The following SRGAP1 variants were observed in gnomAD, a reference collection of about 807,000 sequenced individuals.
SRGAP1 encodes the protein SLIT-ROBO Rho GTPase-activating protein 1.
Under a neutral mutation model 121.9 loss-of-function variants are expected in SRGAP1, and 43 were observed. That is an observed-to-expected ratio of 0.35 (90% CI 0.28 to 0.46). The LOEUF (loss-of-function observed/expected upper bound fraction) is 0.46, where lower values mean the gene tolerates loss of function less well. Ranked by LOEUF, SRGAP1 falls within the 20% of genes least tolerant of loss-of-function variation. The pLI is 1.00. For missense variants in SRGAP1, 1,102 were observed against 1,350.9 expected (o/e 0.82, Z 2.89); for synonymous variants, 447 against 485.4 (o/e 0.92, Z 1.04).
chr12:64,133,671 T>C (rs1306246594), intron 21 of SRGAP1, among the ~76,000 whole-genome samples: 1 of 152,230 alleles, frequency 6.6e-6, no homozygotes, highest in Non-Finnish European at 1.5e-5. Context: ...CAAAGGGACC[T>C]GGCCTCCTCT....
At chr12:63,932,903 A>G (rs2031529202) in intron 1 of SRGAP1, among the ~76,000 whole-genome samples, 1 of 152,174 alleles carries the variant, frequency 6.6e-6, no homozygotes, top group Non-Finnish European at 1.5e-5. Context: ...AAAGAACCAT[A>G]CGTAGGCCAG....
intron 1 of SRGAP1, among the ~76,000 whole-genome samples, chr12:63,881,764 A>G (rs1900202789): frequency 6.6e-6 from 1 of 152,214 alleles, no homozygotes; most frequent in African/African-American, 2.4e-5. Flanking sequence ...TAAACCTCTT[A>G]TATGGGTAGA....
At position 64,142,884 on chromosome 12, in the gene SRGAP1, T is replaced by A; in HGVS notation, c.*212T>A. On this transcript the variant is annotated 3_prime_UTR_variant, in exon 22 of 22. Coordinates refer to ENST00000355086, the MANE Select transcript of SRGAP1 (RefSeq NM_020762.4). ...TTTTTAAATAACTGGACATATGTCATTTTAAGGACAATAGAAACACTTAGA... is the reference window on the plus strand; with the variant it reads ...TTTTTAAATAACTGGACATATGTCAATTTAAGGACAATAGAAACACTTAGA... 1 of 632,958 alleles carries A rather than the reference T, an allele frequency of 1.6e-6. No individual in the cohort carries two copies. The highest frequency in any genetic ancestry group is 2.6e-6 in the Non-Finnish European group (1 of 379,088). The allele number at this position is 632,958 out of a possible 1,614,324, so 39.2% of individuals were successfully genotyped here.
chr12:64,095,211 G>T lies in SRGAP1; in HGVS notation c.1678+7G>T. On this transcript the variant is annotated splice_region_variant and intron_variant, in intron 14 of 21. Coordinates refer to ENST00000355086, the MANE Select transcript of SRGAP1 (RefSeq NM_020762.4). ...AAAAATTCATTTGAGAGAGGTAATTGCACGTCTATCCCTATAAGCAAACCA... is the reference window on the plus strand; with the variant it reads ...AAAAATTCATTTGAGAGAGGTAATTTCACGTCTATCCCTATAAGCAAACCA... 1 of 1,612,664 alleles carries T rather than the reference G, an allele frequency of 6.2e-7. No individual in the cohort carries two copies. The highest frequency in any genetic ancestry group is 8.5e-7 in the Non-Finnish European group (1 of 1,179,140).
In SRGAP1 at chr12:64,010,724, G is replaced by A. The variant is rs1379915650; in HGVS notation, c.427-6226G>A. 3.3e-5 allele frequency among the ~76,000 whole-genome samples: 5 copies of A among 152,042 alleles called. No individual in the cohort carries two copies. In the South Asian group the frequency reaches 1.0e-3, roughly 31 times the overall value. On this transcript the variant is annotated intron_variant, in intron 3 of 21. Coordinates refer to ENST00000355086, the MANE Select transcript of SRGAP1 (RefSeq NM_020762.4). ...AGCCTGCTAGCAACATTTCAAGTGTGTAATAAGGACCATCTCAATAAAACC... is the reference window on the plus strand; with the variant it reads ...AGCCTGCTAGCAACATTTCAAGTGTATAATAAGGACCATCTCAATAAAACC...
chr12:64,056,616 T>C (rs1241294454), intron 6 of SRGAP1, among the ~76,000 whole-genome samples: 1 of 151,706 alleles, frequency 6.6e-6, no homozygotes, highest in Non-Finnish European at 1.5e-5. Flanking sequence ...TCCTATTTCC[T>C]ATTCTCCAAA....
intron 8 of SRGAP1, among the ~76,000 whole-genome samples, chr12:64,075,685 A>G (rs1476609148): frequency 6.6e-6 from 1 of 152,180 alleles, no homozygotes; most frequent in African/African-American, 2.4e-5. Flanking sequence ...AATTCAGTCT[A>G]TAGATATTTG....
chr12:63,946,453 C>G (rs1248191769), intron 1 of SRGAP1, among the ~76,000 whole-genome samples: 1 of 151,844 alleles, frequency 6.6e-6, no homozygotes, highest in African/African-American at 2.4e-5. Context: ...CTTTGTAATC[C>G]TTCTTTCTGT....
At chr12:63,868,322 A>G (rs975316613) in intron 1 of SRGAP1, among the ~76,000 whole-genome samples, 2 of 151,678 alleles carry the variant, frequency 1.3e-5, no homozygotes, top group Non-Finnish European at 2.9e-5. Context: ...ACTTCAGGTG[A>G]TCCGCCCGCC....
At chr12:63,936,258 G>A (rs1197543207) in intron 1 of SRGAP1, among the ~76,000 whole-genome samples, 4 of 152,132 alleles carry the variant, frequency 2.6e-5, no homozygotes, top group African/African-American at 9.7e-5. Flanking sequence ...AGCTTGAAGA[G>A]TAGATAATAC....
intron 1 of SRGAP1, among the ~76,000 whole-genome samples, chr12:63,930,942 A>G (rs1332878044): frequency 6.6e-6 from 1 of 152,152 alleles, no homozygotes; most frequent in Non-Finnish European, 1.5e-5. Flanking sequence ...CATGCCTCTT[A>G]CTGATAATGA....
rs2037131028 is a variant in SRGAP1 at position 64,152,738 on chromosome 12, C to T, written c.*10066C>T. 1 of 151,916 alleles carries T rather than the reference C, an allele frequency of 6.6e-6. No individual in the cohort carries two copies. The highest frequency in any genetic ancestry group is 2.4e-5 in the African/African-American group (1 of 41,358). 9.4% of individuals were successfully genotyped at this position (151,916 alleles called of 1,614,324 possible). A position where few individuals can be genotyped will look rare whatever the true frequency, so the allele number is the denominator to read the frequency against. On this transcript the variant is annotated 3_prime_UTR_variant, in exon 22 of 22. Transcript: ENST00000355086. Reference sequence around the variant, plus strand: ...CCTGTTGAAATTATATTCATCATTCCAAACCCAACAAAATGGTTACATCCT... The same window carrying T: ...CCTGTTGAAATTATATTCATCATTCTAAACCCAACAAAATGGTTACATCCT...
At chr12:64,042,100 T>C (rs2035037675) in intron 4 of SRGAP1, among the ~76,000 whole-genome samples, 1 of 151,876 alleles carries the variant, frequency 6.6e-6, no homozygotes, top group Non-Finnish European at 1.5e-5. Flanking sequence ...TTTCACCATG[T>C]TGGCCAGGCT....
At chr12:64,061,098 A>G (rs1593089191) in intron 6 of SRGAP1, among the ~76,000 whole-genome samples, 1 of 152,224 alleles carries the variant, frequency 6.6e-6, no homozygotes, top group Non-Finnish European at 1.5e-5. Flanking sequence ...ATTGATTACT[A>G]ATTTCCAGTA....
chr12:63,876,824 A>G (rs1394626450), intron 1 of SRGAP1, among the ~76,000 whole-genome samples: 1 of 152,200 alleles, frequency 6.6e-6, no homozygotes, highest in East Asian at 1.9e-4. Context: ...ATTTTGGTTG[A>G]CTGCATCCTT....
chr12:64,011,574 A>C (rs2034252433), intron 3 of SRGAP1, among the ~76,000 whole-genome samples: 2 of 152,286 alleles, frequency 1.3e-5, no homozygotes, highest in African/African-American at 4.8e-5. Context: ...ATATTAGTTC[A>C]GAGTGCTTAA....
At chr12:63,995,736 A>C (rs1046770347) in intron 3 of SRGAP1, among the ~76,000 whole-genome samples, 1 of 152,162 alleles carries the variant, frequency 6.6e-6, no homozygotes, top group African/African-American at 2.4e-5. Context: ...AGTCAGACTC[A>C]CAGAAATTCA....
rs2037113831 is a variant in SRGAP1 at position 64,150,944 on chromosome 12, A to AAAAAAAAAAAAAC, written c.*8284_*8285insCAAAAAAAAAAAA. 2 of 146,076 alleles carry AAAAAAAAAAAAAC rather than the reference A, an allele frequency of 1.4e-5. 1 individual carries two copies. Among genetic ancestry groups the AAAAAAAAAAAAAC allele is most frequent in the Non-Finnish European group, 3.1e-5 (2 of 65,536 alleles). The allele number at this position is 146,076 out of a possible 1,614,324, so 9.0% of individuals were successfully genotyped here. On this transcript the variant is annotated 3_prime_UTR_variant, in exon 22 of 22. Coordinates refer to ENST00000355086, the MANE Select transcript of SRGAP1 (RefSeq NM_020762.4). The stretch of plus-strand genomic sequence containing the variant: ...AGTGAGAAGCTATCTCAAAAAAAAA[A>AAAAAAAAAAAAAC]AAAAAAAAAAAAAAAACATGGTCAA...
chr12:63,986,158 T>G (rs1307375106), intron 2 of SRGAP1, among the ~76,000 whole-genome samples: 1 of 151,860 alleles, frequency 6.6e-6, no homozygotes, highest in Non-Finnish European at 1.5e-5. Context: ...CTCTCTTCTC[T>G]TTTTTCTTCC....
Sources: allele counts gnomAD v4.1 joint callset (sites outside exome capture counted in the v4.1 genomes callset), GRCh38; gene constraint gnomAD v4.1.1; transcripts MANE v1.5; gene names NCBI Gene and HGNC (gene_info 2026-07-23, HGNC 2026-07-21).